Variants in NECAB1 observed in about 807,000 individuals in gnomAD.
NECAB1 encodes the protein N-terminal EF-hand calcium-binding protein 1.
A neutral mutation model predicts 57.5 loss-of-function variants in NECAB1; 29 were observed. The ratio of observed to expected loss-of-function variants is 0.50; its 90% confidence interval spans 0.38 to 0.69. The LOEUF (loss-of-function observed/expected upper bound fraction) is 0.69, where lower values mean the gene tolerates loss of function less well. NECAB1 is among the 30% of genes least tolerant of loss of function. NECAB1 has a pLI of 0.00. For synonymous variants in NECAB1, 142 were observed against 147.7 expected (o/e 0.96, Z 0.28); for missense variants, 372 against 413.8 (o/e 0.90, Z 0.88).
Position 90,791,819 on chromosome 8 carries a change from C to A in NECAB1, c.-68C>A. The A allele has an allele frequency of 7.6e-7, 1 of 1,322,738 alleles. No individual in the cohort carries two copies. Among genetic ancestry groups the A allele is most frequent in the African/African-American group, 1.5e-5 (1 of 67,976 alleles). The allele number at this position is 1,322,738 out of a possible 1,614,324, so 81.9% of individuals were successfully genotyped here. A position where few individuals can be genotyped will look rare whatever the true frequency, so the allele number is the denominator to read the frequency against. ...GCGGCGGCGAAGCAGCAGCTGCGGC[C>A]GCGCCCTTGCCAGAGCCGGTGCGTC... On this transcript the variant is annotated 5_prime_UTR_variant, in exon 1 of 13. Transcript: ENST00000417640.
At chr8:90,933,643 A>G (rs1397587754) in intron 8 of NECAB1, among the ~76,000 whole-genome samples, 3 of 152,092 alleles carry the variant, frequency 2.0e-5, no homozygotes, top group Non-Finnish European at 4.4e-5. Flanking sequence ...TGTTCAGGTG[A>G]CGGGTGCACC....
At chr8:90,896,256 A>G (rs1300419006) in intron 5 of NECAB1, among the ~76,000 whole-genome samples, 2 of 152,236 alleles carry the variant, frequency 1.3e-5, no homozygotes, top group Non-Finnish European at 2.9e-5. Context: ...AGAAAGCTGT[A>G]AGGAAATACA....
intron 8 of NECAB1, among the ~76,000 whole-genome samples, chr8:90,933,877 A>G (rs1810468949): frequency 2.6e-5 from 4 of 152,202 alleles, no homozygotes; most frequent in Admixed American, 1.3e-4. Flanking sequence ...TATTGTAACA[A>G]TAGACTAATG....
intron 10 of NECAB1, among the ~76,000 whole-genome samples, chr8:90,948,759 C>T (rs890849758): frequency 3.3e-5 from 5 of 152,280 alleles, no homozygotes; most frequent in African/African-American, 1.2e-4. Context: ...CATCATTTCT[C>T]ACCTATGCTA....
chr8:90,819,968 G>C (rs1293940099), intron 2 of NECAB1, among the ~76,000 whole-genome samples: 1 of 151,802 alleles, frequency 6.6e-6, no homozygotes, highest in Non-Finnish European at 1.5e-5. Context: ...GAAGTTTCTG[G>C]AGGTAAAACC....
intron 3 of NECAB1, among the ~76,000 whole-genome samples, chr8:90,853,155 T>C (rs1316646584): frequency 6.6e-6 from 1 of 152,246 alleles, no homozygotes; most frequent in Non-Finnish European, 1.5e-5. Flanking sequence ...CTGTAACCGC[T>C]CACCTGCATG....
intron 12 of NECAB1, among the ~76,000 whole-genome samples, chr8:90,952,709 G>A (rs1238425278): frequency 1.3e-5 from 2 of 152,032 alleles, no homozygotes; most frequent in African/African-American, 2.4e-5. Flanking sequence ...CCCAGGAGGC[G>A]GAGGGTTGCA....
intron 5 of NECAB1, among the ~76,000 whole-genome samples, chr8:90,906,513 T>C (rs1163565487): frequency 6.6e-6 from 1 of 152,134 alleles, no homozygotes; most frequent in Non-Finnish European, 1.5e-5. Flanking sequence ...AGAAAATGCC[T>C]ACAGTAGAGC....
At chr8:90,866,434 T>G (rs1374492817) in intron 3 of NECAB1, among the ~76,000 whole-genome samples, 1 of 152,190 alleles carries the variant, frequency 6.6e-6, no homozygotes, top group Admixed American at 6.5e-5. Flanking sequence ...TAGCAGTGTT[T>G]AGCAGACTAT....
intron 3 of NECAB1, among the ~76,000 whole-genome samples, chr8:90,839,998 G>A (rs1167751701): frequency 6.6e-6 from 1 of 152,062 alleles, no homozygotes; most frequent in African/African-American, 2.4e-5. Context: ...AATGTTAGCT[G>A]GATTTTGAAA....
chr8:90,889,273 C>T (rs939071860), intron 5 of NECAB1, among the ~76,000 whole-genome samples: 2 of 152,262 alleles, frequency 1.3e-5, no homozygotes, highest in East Asian at 3.9e-4. Context: ...CAGTGATTAT[C>T]ACTGTAAGTG....
chr8:90,950,034 T>TA, intron 11 of NECAB1, 150 bp downstream of exon 11: 1 of 517,464 alleles, frequency 1.9e-6, no homozygotes, highest in South Asian at 3.4e-5. Flanking sequence ...CTACACACTT[T>TA]AAAAAATGTA....
At chr8:90,828,230 A>G (rs1586044039) in intron 3 of NECAB1, among the ~76,000 whole-genome samples, 1 of 151,918 alleles carries the variant, frequency 6.6e-6, no homozygotes, top group Non-Finnish European at 1.5e-5. Context: ...ACAAACCCCA[A>G]ATACATTTAA....
intron 5 of NECAB1, among the ~76,000 whole-genome samples, chr8:90,894,286 T>A (rs939843756): frequency 2.0e-5 from 3 of 152,204 alleles, no homozygotes; most frequent in Non-Finnish European, 4.4e-5. Context: ...AGAATAAAAC[T>A]ATTTTCACTT....
chr8:90,955,112 T>TTATATATATATATATATATATA (rs59244524), intron 12 of NECAB1, among the ~76,000 whole-genome samples: 4 of 70,806 alleles, frequency 5.6e-5, no homozygotes, highest in African/African-American at 9.4e-5. Context: ...GGTATATAAA[T>TTATATATATATATATATATATA]TATATATATA....
chr8:90,892,012 T>A (rs1335325286), intron 5 of NECAB1, among the ~76,000 whole-genome samples: 1 of 152,192 alleles, frequency 6.6e-6, no homozygotes, highest in Admixed American at 6.5e-5. Context: ...ACTTTTATAC[T>A]TGATAAAGTT....
At chr8:90,912,108 G>A (rs1034806983) in intron 5 of NECAB1, among the ~76,000 whole-genome samples, 2 of 152,094 alleles carry the variant, frequency 1.3e-5, no homozygotes, top group African/African-American at 4.8e-5. Flanking sequence ...TGTGACCTGG[G>A]TCCTCATCTA....
At chr8:90,943,787 T>C (rs1810730875) in intron 10 of NECAB1, among the ~76,000 whole-genome samples, 1 of 152,258 alleles carries the variant, frequency 6.6e-6, no homozygotes, top group African/African-American at 2.4e-5. Context: ...GATCTTGCTC[T>C]GTTGCCCAGG....
chr8:90,795,131 A>C (rs1374642313), intron 1 of NECAB1, among the ~76,000 whole-genome samples: 4 of 152,332 alleles, frequency 2.6e-5, no homozygotes, highest in South Asian at 4.1e-4. Flanking sequence ...AGTTGCTGCA[A>C]TCCAGTTAAC....
Sources: allele counts gnomAD v4.1 joint callset (sites outside exome capture counted in the v4.1 genomes callset), GRCh38; gene constraint gnomAD v4.1.1; transcripts MANE v1.5; gene names NCBI Gene and HGNC (gene_info 2026-07-23, HGNC 2026-07-21).